Variants in KDM2A observed in about 807,000 individuals in gnomAD.
KDM2A encodes lysine demethylase 2A.
In KDM2A, 3 loss-of-function variants were observed where a neutral mutation model predicts 137.3. That is an observed-to-expected ratio of 0.02 (90% CI 0.01 to 0.06). The LOEUF (loss-of-function observed/expected upper bound fraction) is 0.06, where lower values mean the gene tolerates loss of function less well. Ranked by LOEUF, KDM2A falls within the 10% of genes least tolerant of loss-of-function variation. The pLI, the probability that KDM2A is intolerant of heterozygous loss-of-function variation, is 1.00. For synonymous variants in KDM2A, 512 were observed against 541.5 expected, an observed-to-expected ratio of 0.95 and a Z score of 0.76; for missense variants, 738 against 1,510.6, an observed-to-expected ratio of 0.49 and a Z score of 8.48.
rs1857264217 is a variant in KDM2A, at chr11:67,188,509, G to C, written c.307+6617G>C. Among the ~76,000 whole-genome samples the C allele has an allele frequency of 2.7e-5, 4 of 148,994 alleles. 1 individual carries two copies. The South Asian group carries it at 8.5e-4, about 32-fold the overall frequency. ...AAAAAAAAAAAAAGAAAGAAAAAAT[G>C]GTTGGGCATGGTGCCTCACACGTCT... On this transcript the variant is annotated intron_variant, in intron 5 of 20. Transcript: ENST00000529006.
intron 9 of KDM2A, among the ~76,000 whole-genome samples, chr11:67,218,704 C>T (rs998547062): frequency 6.6e-6 from 1 of 152,050 alleles, no homozygotes; most frequent in Non-Finnish European, 1.5e-5. Flanking sequence ...TCCCAGGTCC[C>T]AGTTCAAGCA....
At chr11:67,196,056 AC>A in intron 5 of KDM2A, 1 of 401,950 alleles carries the variant, frequency 2.5e-6, no homozygotes, top group Non-Finnish European at 5.0e-6. Flanking sequence ...TTTATTGCGT[AC>A]CCACCCCATC....
chr11:67,209,385 CATT>C (rs1246712967), intron 6 of KDM2A, among the ~76,000 whole-genome samples: 3 of 151,408 alleles, frequency 2.0e-5, no homozygotes, highest in Non-Finnish European at 4.4e-5. Flanking sequence ...ATTCCAGTAA[CATT>C]ATTTATTTAT....
rs1565400767 is a variant in KDM2A, at chr11:67,200,820, G to GT, written c.308-6686dup. ...CCATGCCTTGCCTGAGATTAATACC[G>GT]TTTTCATGCCAGATAGCAGTATTCA... On this transcript the variant is annotated intron_variant, in intron 5 of 20. Coordinates refer to ENST00000529006, the MANE Select transcript of KDM2A (RefSeq NM_012308.3). Among the ~76,000 whole-genome samples the GT allele has an allele frequency of 2.0e-5, 3 of 152,070 alleles. No individual in the cohort carries two copies. The East Asian group carries it at 5.8e-4, about 29-fold the overall frequency.
chr11:67,188,257 C>A (rs1026603316), intron 5 of KDM2A, among the ~76,000 whole-genome samples: 10 of 151,734 alleles, frequency 6.6e-5, no homozygotes, highest in Non-Finnish European at 1.5e-4. Context: ...CCGAGGCAGG[C>A]AGATCACAAG....
At chr11:67,214,110 G>A (rs188161511) in intron 6 of KDM2A, among the ~76,000 whole-genome samples, 103 of 151,916 alleles carry the variant, frequency 6.8e-4, no homozygotes, top group African/African-American at 2.3e-3. Flanking sequence ...GCACCATCTC[G>A]GCTCACCAGA....
chr11:67,121,492 A>G, intron 2 of KDM2A, 134 bp downstream of exon 2: 1 of 731,554 alleles, frequency 1.4e-6, no homozygotes, highest in East Asian at 2.7e-5. Context: ...AGGAGGGGGA[A>G]AGGTGTATTA....
At chr11:67,159,746 T>C (rs904407298) in intron 2 of KDM2A, among the ~76,000 whole-genome samples, 1 of 152,244 alleles carries the variant, frequency 6.6e-6, no homozygotes, top group African/African-American at 2.4e-5. Flanking sequence ...AAGAGATTTC[T>C]ACTCTCACAT....
intron 5 of KDM2A, chr11:67,195,494 T>C (rs1162174985): frequency 1.3e-5 from 2 of 152,314 alleles, no homozygotes; most frequent in Non-Finnish European, 2.9e-5. Flanking sequence ...TTTTATGCCA[T>C]GGGACTGTGT....
chr11:67,218,201 T>C (rs1389211511), intron 9 of KDM2A, among the ~76,000 whole-genome samples: 1 of 152,208 alleles, frequency 6.6e-6, no homozygotes, highest in Non-Finnish European at 1.5e-5. Flanking sequence ...ACAATCTATG[T>C]TGAAGAACTG....
chr11:67,170,282 G>A (rs1286811129), intron 2 of KDM2A, among the ~76,000 whole-genome samples: 1 of 150,558 alleles, frequency 6.6e-6, no homozygotes. Context: ...TGGAATATTA[G>A]ATAAACAATA....
At position 67,124,034 on chromosome 11, in the gene KDM2A, C is replaced by CG. The variant is rs1855659469; in HGVS notation, c.42+2677dup. 2.0e-5 allele frequency among the ~76,000 whole-genome samples: 3 copies of CG among 151,876 alleles called. No individual in the cohort carries two copies. In the South Asian group the frequency reaches 6.2e-4, roughly 32 times the overall value. Reference sequence around the variant, plus strand: ...GTTTGTTTGTTTTGAGACTGAGTCTCGCTCTGTTGCCCAGGCTGGAGTGCA... The same window carrying CG: ...GTTTGTTTGTTTTGAGACTGAGTCTCGGCTCTGTTGCCCAGGCTGGAGTGCA... On this transcript the variant is annotated intron_variant, in intron 2 of 20. Transcript: ENST00000529006.
At chr11:67,141,091 C>T (rs1262264668) in intron 2 of KDM2A, among the ~76,000 whole-genome samples, 2 of 152,078 alleles carry the variant, frequency 1.3e-5, no homozygotes, top group Admixed American at 6.6e-5. Flanking sequence ...AGTGTCACTC[C>T]ACGTTGTCTC....
In KDM2A at chr11:67,250,935, C is replaced by G. The variant is rs1859402457; in HGVS notation, c.2768+137C>G. The G allele has an allele frequency of 2.9e-6, 2 of 696,682 alleles. No individual in the cohort carries two copies. Among genetic ancestry groups the G allele is most frequent in the Non-Finnish European group, 4.9e-6 (2 of 411,876 alleles). The allele number at this position is 696,682 out of a possible 1,614,324, so 43.2% of individuals were successfully genotyped here. Reference sequence around the variant, plus strand: ...GAGTGAATTGACCCTTTTTCCCAAACTTTGGGTCCTGTTTAAAGATGTAGC... The same window carrying G: ...GAGTGAATTGACCCTTTTTCCCAAAGTTTGGGTCCTGTTTAAAGATGTAGC... On this transcript the variant is annotated intron_variant, in intron 17 of 20. Coordinates refer to ENST00000529006, the MANE Select transcript of KDM2A (RefSeq NM_012308.3). The surrounding 1 kb of genome is among the most constrained non-coding windows in gnomAD (Gnocchi z 7.1).
chr11:67,210,566 A>T (rs1460077228), intron 6 of KDM2A, among the ~76,000 whole-genome samples: 3 of 152,156 alleles, frequency 2.0e-5, no homozygotes, highest in African/African-American at 7.2e-5. Context: ...AAATATATTA[A>T]CATTAAAGGG....
chr11:67,257,776 T>C lies in KDM2A; in HGVS notation c.*2721T>C, dbSNP rs1396192880. ...CCAATGTTGTGCTAAAAAGTTTAAA[T>C]TAAATGTAAGCATTAAGGGGATAAG... On this transcript the variant is annotated 3_prime_UTR_variant, in exon 21 of 21. Transcript: ENST00000529006. 1 of 152,154 alleles carries C rather than the reference T, an allele frequency of 6.6e-6. No homozygotes were observed. Among genetic ancestry groups the C allele is most frequent in the Non-Finnish European group, 1.5e-5 (1 of 68,040 alleles). 9.4% of individuals were successfully genotyped at this position (152,154 alleles called of 1,614,324 possible). A position where few individuals can be genotyped will look rare whatever the true frequency, so the allele number is the denominator to read the frequency against.
At chr11:67,239,658 G>A (rs1163638721) in intron 12 of KDM2A, among the ~76,000 whole-genome samples, 1 of 152,202 alleles carries the variant, frequency 6.6e-6, no homozygotes, top group Non-Finnish European at 1.5e-5. Context: ...AAGTGTGTGT[G>A]CAGTCAGCCA....
At chr11:67,162,814 A>T (rs976710265) in intron 2 of KDM2A, among the ~76,000 whole-genome samples, 1 of 152,026 alleles carries the variant, frequency 6.6e-6, no homozygotes, top group African/African-American at 2.4e-5. Flanking sequence ...CCTGGGCTCA[A>T]ACAGTCTTTC....
intron 3 of KDM2A, 194 bp downstream of exon 3, chr11:67,180,411 A>G (rs1193769428): frequency 4.3e-6 from 2 of 467,474 alleles, no homozygotes; most frequent in Non-Finnish European, 7.3e-6. Context: ...TCTCTCCTAT[A>G]TTAGAAGTAA....
Sources: allele counts gnomAD v4.1 joint callset (sites outside exome capture counted in the v4.1 genomes callset), GRCh38; gene constraint gnomAD v4.1.1; non-coding constraint Gnocchi (gnomAD v3.1); transcripts MANE v1.5; gene names NCBI Gene and HGNC (gene_info 2026-07-23, HGNC 2026-07-21).